ACTR2: variants seen among roughly 807,000 people sequenced by gnomAD.
ACTR2 encodes actin related protein 2.
A neutral mutation model predicts 50.2 loss-of-function variants in ACTR2; 5 were observed. That is an observed-to-expected ratio of 0.10 (90% CI 0.05 to 0.21). The LOEUF (loss-of-function observed/expected upper bound fraction) is 0.21. Ranked by LOEUF, ACTR2 falls within the 10% of genes least tolerant of loss-of-function variation. The pLI, the probability that ACTR2 is intolerant of heterozygous loss-of-function variation, is 1.00. For missense variants in ACTR2, 180 were observed against 480.6 expected (o/e 0.37, Z 5.85); for synonymous variants, 140 against 162.9 (o/e 0.86, Z 1.07).
At chr2:65,265,292 A>C in intron 8 of ACTR2, 117 bp downstream of exon 8, 2 of 1,080,604 alleles carry the variant, frequency 1.9e-6, no homozygotes, top group Non-Finnish European at 2.8e-6. Context: ...TTCCTACTGC[A>C]GTCAAGTGCA....
intron 1 of ACTR2, among the ~76,000 whole-genome samples, chr2:65,235,199 G>T (rs1671717091): frequency 1.3e-5 from 2 of 151,906 alleles, no homozygotes; most frequent in Admixed American, 1.3e-4. Flanking sequence ...TGCACGTGGT[G>T]TGTGTGTTAT....
rs943417335 is a variant in ACTR2, at chr2:65,268,806, C to T, written c.*72C>T. ...TTTATTGCCAATCTTTGAACTCATT[C>T]AACTCCAGGACATGGAAGAGGCCTC... On this transcript the variant is annotated 3_prime_UTR_variant, in exon 9 of 9. Coordinates refer to ENST00000260641, the MANE Select transcript of ACTR2 (RefSeq NM_005722.4). 1 of 1,499,828 alleles carries T rather than the reference C, an allele frequency of 6.7e-7. No individual in the cohort carries two copies. The highest frequency in any genetic ancestry group is 1.4e-5 in the African/African-American group (1 of 71,736). The allele number at this position is 1,499,828 out of a possible 1,614,324, so 92.9% of individuals were successfully genotyped here. A position where few individuals can be genotyped will look rare whatever the true frequency, so the allele number is the denominator to read the frequency against.
intron 7 of ACTR2, 114 bp downstream of exon 7, chr2:65,261,506 T>TA: frequency 1.9e-6 from 2 of 1,061,758 alleles, no homozygotes; most frequent in Non-Finnish European, 1.3e-6. Flanking sequence ...TTTATAAACT[T>TA]ACTTGAAATA....
chr2:65,262,131 A>G (rs1300431780), intron 7 of ACTR2, among the ~76,000 whole-genome samples: 12 of 152,206 alleles, frequency 7.9e-5, no homozygotes, highest in Admixed American at 7.9e-4. Context: ...TTGGATATTA[A>G]CCACTTATCA....
chr2:65,239,329 C>T (rs1238129593), intron 1 of ACTR2, among the ~76,000 whole-genome samples: 1 of 152,204 alleles, frequency 6.6e-6, no homozygotes, highest in African/African-American at 2.4e-5. Context: ...TGGCGCATGC[C>T]TGTAATCCCA....
intron 7 of ACTR2, among the ~76,000 whole-genome samples, chr2:65,263,541 C>T (rs1180622867): frequency 6.6e-6 from 1 of 152,058 alleles, no homozygotes; most frequent in Non-Finnish European, 1.5e-5. Flanking sequence ...TAAATAGCCA[C>T]CTAATTAATT....
chr2:65,263,929 C>T (rs1672325387), intron 7 of ACTR2, among the ~76,000 whole-genome samples: 1 of 152,120 alleles, frequency 6.6e-6, no homozygotes, highest in Admixed American at 6.5e-5. Context: ...GTGACGGGTG[C>T]CTGTAATCCC....
chr2:65,248,507 A>G (rs1671984640), intron 3 of ACTR2, among the ~76,000 whole-genome samples: 1 of 152,218 alleles, frequency 6.6e-6, no homozygotes, highest in Admixed American at 6.5e-5. Context: ...AGTATCCCAC[A>G]AGGAGGCAAA....
intron 7 of ACTR2, among the ~76,000 whole-genome samples, chr2:65,264,557 A>C (rs114612807): frequency 0.01 from 1,597 of 152,350 alleles, 32 homozygotes; most frequent in African/African-American, 0.037. Flanking sequence ...AAAAGAGGGT[A>C]CTGCTATAAG....
chr2:65,242,281 A>G (rs900607761), intron 2 of ACTR2, among the ~76,000 whole-genome samples: 2 of 152,192 alleles, frequency 1.3e-5, no homozygotes, highest in Non-Finnish European at 2.9e-5. Flanking sequence ...AACAAGAACT[A>G]ATTACTAACA....
intron 7 of ACTR2, among the ~76,000 whole-genome samples, chr2:65,264,619 A>G (rs1672339695): frequency 1.3e-5 from 2 of 152,350 alleles, no homozygotes; most frequent in South Asian, 4.1e-4. Context: ...CTCTAAGCAA[A>G]GGAACAAAAA....
At chr2:65,240,326 T>C (rs1671817020) in intron 2 of ACTR2, among the ~76,000 whole-genome samples, 1 of 152,226 alleles carries the variant, frequency 6.6e-6, no homozygotes, top group Admixed American at 6.5e-5. Flanking sequence ...TGTCATTGTA[T>C]GTGAGTGTCT....
intron 6 of ACTR2, 78 bp from the exon 7 acceptor site, chr2:65,261,169 A>G: frequency 5.5e-6 from 8 of 1,446,152 alleles, no homozygotes; most frequent in East Asian, 2.3e-5. Context: ...AGATGTATTT[A>G]TAAGTACTAG....
chr2:65,237,721 C>A (rs1047887103), intron 1 of ACTR2, among the ~76,000 whole-genome samples: 1 of 152,148 alleles, frequency 6.6e-6, no homozygotes, highest in Non-Finnish European at 1.5e-5. Context: ...GGCGTGGTGG[C>A]TCACTCCTGT....
intron 1 of ACTR2, among the ~76,000 whole-genome samples, chr2:65,229,714 C>CTG (rs1301494766): frequency 1.4e-5 from 2 of 146,478 alleles, no homozygotes; most frequent in South Asian, 2.2e-4. Flanking sequence ...CGAGATCGCA[C>CTG]CACTCCAGCC....
intron 2 of ACTR2, 131 bp downstream of exon 2, chr2:65,240,093 A>T (rs1051477121): frequency 6.6e-6 from 4 of 601,696 alleles, no homozygotes; most frequent in Middle Eastern, 3.1e-4. Flanking sequence ...AGAAGTTCTC[A>T]TATTTTTAAT....
chr2:65,245,720 A>C (rs1671924390), intron 2 of ACTR2, among the ~76,000 whole-genome samples: 1 of 152,194 alleles, frequency 6.6e-6, no homozygotes, highest in South Asian at 2.1e-4. Context: ...ATCCTTACTT[A>C]TTATATATAG....
At chr2:65,231,985 A>G (rs559726803) in intron 1 of ACTR2, among the ~76,000 whole-genome samples, 10 of 152,358 alleles carry the variant, frequency 6.6e-5, no homozygotes, top group South Asian at 4.1e-4. Context: ...CACATGACCA[A>G]TGTTGGTCCC....
At position 65,266,595 on chromosome 2, in the gene ACTR2, G is replaced by A. The variant is rs79653727; in HGVS notation, c.1014+1420G>A. 3.1e-3 allele frequency among the ~76,000 whole-genome samples: 478 copies of A among 152,156 alleles called. 1 individual carries two copies. The highest frequency in any genetic ancestry group is 0.011 in the African/African-American group (463 of 41,504). On this transcript the variant is annotated intron_variant, in intron 8 of 8. Transcript: ENST00000260641. ...AAGCAGAGAAATGATAGGATCTGAT[G>A]TATATTTTTAAAGGATCATTAAGTC...
Sources: gnomAD v4.1 joint callset for allele counts (sites outside exome capture counted in the v4.1 genomes callset) on GRCh38, gnomAD v4.1.1 for gene constraint, MANE v1.5 for transcripts, NCBI Gene and HGNC (gene_info 2026-07-23, HGNC 2026-07-21) for gene names.